SEC61A2: variants seen among roughly 807,000 people sequenced by gnomAD.
SEC61A2 encodes SEC61 translocon subunit alpha 2.
A neutral mutation model predicts 59.9 loss-of-function variants in SEC61A2; 28 were observed. That is an observed-to-expected ratio of 0.47 (90% CI 0.35 to 0.64). The LOEUF (loss-of-function observed/expected upper bound fraction) is 0.64. SEC61A2 is among the 30% of genes least tolerant of loss of function. The probability of loss-of-function intolerance (pLI) is 0.01; values close to 1 mark genes in which losing one functional copy is unlikely to be tolerated. For missense variants in SEC61A2, 340 were observed against 585.9 expected (o/e 0.58, Z 4.33); for synonymous variants, 202 against 214.4 (o/e 0.94, Z 0.50).
Position 12,143,459 on chromosome 10 carries a change from G to A in SEC61A2, c.220+264G>A, listed in dbSNP as rs79207055. ...ACATTGGAATTGGAGTCCAGGTGGG[G>A]CGCCGTGGCTCACCCCTGTAATCCC... On this transcript the variant is annotated intron_variant, in intron 4 of 11. Coordinates refer to ENST00000298428, the MANE Select transcript of SEC61A2 (RefSeq NM_018144.4). This position sits in a 1 kb window ranked among gnomAD's most constrained non-coding sequence, Gnocchi z 4.8. Among the ~76,000 whole-genome samples the A allele has an allele frequency of 3.4e-4, 52 of 152,256 alleles. No homozygotes were observed. In the East Asian group the frequency reaches 6.2e-3, roughly 18 times the overall value.
chr10:12,138,644 G>A (rs79871509), intron 3 of SEC61A2, among the ~76,000 whole-genome samples: 3 of 152,116 alleles, frequency 2.0e-5, no homozygotes, highest in African/African-American at 7.2e-5. Flanking sequence ...ATTCTTTAGT[G>A]TCTAACTTCA....
rs370198364 is a variant in SEC61A2 at position 12,129,762 on chromosome 10, C to G, written c.-26C>G. On this transcript the variant is annotated 5_prime_UTR_variant, in exon 1 of 12. Transcript: ENST00000298428. The surrounding 1 kb of genome is among the most constrained non-coding windows in gnomAD (Gnocchi z 5.6). ...GAAGGCAGCGCCGAGGCCGCGGTTT[C>G]CCCCTGGGCCTCCCCAGCAGCAGCC... 1.1e-4 allele frequency: 161 copies of G among 1,486,840 alleles called. No individual in the cohort carries two copies. The African/African-American group carries it at 2.2e-3, about 20-fold the overall frequency. The allele number at this position is 1,486,840 out of a possible 1,614,324, so 92.1% of individuals were successfully genotyped here.
At chr10:12,147,712 G>GTAGC (rs887010934) in intron 4 of SEC61A2, among the ~76,000 whole-genome samples, 5 of 151,378 alleles carry the variant, frequency 3.3e-5, no homozygotes, top group African/African-American at 1.2e-4. Context: ...TTCTATACAT[G>GTAGC]TAGCATTTGT....
chr10:12,137,025 C>G (rs1833905519), intron 3 of SEC61A2, among the ~76,000 whole-genome samples: 1 of 152,156 alleles, frequency 6.6e-6, no homozygotes, highest in South Asian at 2.1e-4. Context: ...CTCAGCCTCC[C>G]AAATTGCTGG....
rs1187952962 is a variant in SEC61A2 at position 12,156,255 on chromosome 10, A to C, written c.616+324A>C. On this transcript the variant is annotated intron_variant, in intron 7 of 11. Transcript: ENST00000298428. This position sits in a 1 kb window ranked among gnomAD's most constrained non-coding sequence, Gnocchi z 5.2. ...TGATTTCAGCATCCGTAGGGGGATAAAAAGGTAGTGGATTTTAGATTTTTC... is the reference window on the plus strand; with the variant it reads ...TGATTTCAGCATCCGTAGGGGGATACAAAGGTAGTGGATTTTAGATTTTTC... Among the ~76,000 whole-genome samples, 1 of 152,216 alleles carries C rather than the reference A, an allele frequency of 6.6e-6. No homozygotes were observed. Among genetic ancestry groups the C allele is most frequent in the Non-Finnish European group, 1.5e-5 (1 of 68,044 alleles).
At chr10:12,168,529 A>T (rs1158934555), downstream of SEC61A2, among the ~76,000 whole-genome samples, 1 of 151,950 alleles carries the variant, frequency 6.6e-6, no homozygotes, top group Non-Finnish European at 1.5e-5. The surrounding 1 kb of genome is among the most constrained non-coding windows in gnomAD (Gnocchi z 4.8). Context: ...AGGACTGGAG[A>T]TCTACTACCA....
At position 12,149,789 on chromosome 10, in the gene SEC61A2, T is replaced by G. The variant is rs1388992634; in HGVS notation, c.352+63T>G. The G allele has an allele frequency of 6.2e-7, 1 of 1,605,848 alleles. No individual in the cohort carries two copies. Among genetic ancestry groups the G allele is most frequent in the Admixed American group, 1.7e-5 (1 of 58,578 alleles). ...TGAGAGTGCTCGTGGTAAAGATGTTTTCTCTAGTCTTTTCTTGTCTTTGGT... is the reference window on the plus strand; with the variant it reads ...TGAGAGTGCTCGTGGTAAAGATGTTGTCTCTAGTCTTTTCTTGTCTTTGGT... On this transcript the variant is annotated intron_variant, in intron 5 of 11. Coordinates refer to ENST00000298428, the MANE Select transcript of SEC61A2 (RefSeq NM_018144.4). The surrounding 1 kb of genome is among the most constrained non-coding windows in gnomAD (Gnocchi z 5.2).
chr10:12,131,604 G>A (rs1833738184), intron 1 of SEC61A2, among the ~76,000 whole-genome samples: 1 of 145,616 alleles, frequency 6.9e-6, no homozygotes, highest in Admixed American at 6.9e-5. Flanking sequence ...TTTTACACAA[G>A]CAAGTACTTT....
intron 3 of SEC61A2, among the ~76,000 whole-genome samples, chr10:12,136,989 C>T (rs185681549): frequency 7.9e-5 from 12 of 152,342 alleles, no homozygotes; most frequent in African/African-American, 2.9e-4. Flanking sequence ...TTATCTCGAA[C>T]TCCTGACCTC....
Position 12,133,156 on chromosome 10 carries a change from G to T in SEC61A2, c.8-85G>T, listed in dbSNP as rs906190826. The T allele has an allele frequency of 1.9e-5, 13 of 686,444 alleles. No individual in the cohort carries two copies. In the African/African-American group the frequency reaches 2.0e-4, roughly 11 times the overall value. 42.5% of individuals were successfully genotyped at this position (686,444 alleles called of 1,614,324 possible). ...GGTGGGGTGAATTGCTGGTGAAAGA[G>T]AATCTTTGTATTTGATTTTCTAGAA... On this transcript the variant is annotated intron_variant, in intron 1 of 11. Coordinates refer to ENST00000298428, the MANE Select transcript of SEC61A2 (RefSeq NM_018144.4).
chr10:12,133,402 T>G (rs12768128), intron 2 of SEC61A2, 94 bp downstream of exon 2: 19,703 of 617,342 alleles, frequency 0.032, 466 homozygotes, highest in Non-Finnish European at 0.046. Context: ...CCTTCTCTGT[T>G]GGTAATTGGA....
intron 2 of SEC61A2, among the ~76,000 whole-genome samples, chr10:12,134,578 T>C (rs1464011553): frequency 6.6e-6 from 1 of 152,130 alleles, no homozygotes; most frequent in African/African-American, 2.4e-5. Flanking sequence ...AAGAAACTTA[T>C]ATTTAGGAAG....
intron 4 of SEC61A2, among the ~76,000 whole-genome samples, chr10:12,144,090 G>A (rs2131660382): frequency 6.6e-6 from 1 of 152,172 alleles, no homozygotes; most frequent in South Asian, 2.1e-4. Flanking sequence ...AAAGTGCTGG[G>A]ATTACAGGTG....
At chr10:12,140,506 C>G (rs1833993756) in intron 3 of SEC61A2, among the ~76,000 whole-genome samples, 2 of 152,206 alleles carry the variant, frequency 1.3e-5, no homozygotes, top group African/African-American at 2.4e-5. Context: ...GGAGGGTATA[C>G]CATTAATTAT....
chr10:12,148,599 G>A (rs1325502650), intron 4 of SEC61A2, among the ~76,000 whole-genome samples: 1 of 151,004 alleles, frequency 6.6e-6, no homozygotes, highest in Non-Finnish European at 1.5e-5. Flanking sequence ...GAATGCAGTG[G>A]TGCGATCTTG....
At position 12,155,761 on chromosome 10, in the gene SEC61A2, C is replaced by G. The variant is rs748356017; in HGVS notation, c.463-17C>G. The G allele has an allele frequency of 6.2e-7, 1 of 1,613,878 alleles. No individual in the cohort carries two copies. Among genetic ancestry groups the G allele is most frequent in the South Asian group, 1.1e-5 (1 of 91,062 alleles). The stretch of plus-strand genomic sequence containing the variant: ...GTTTGTTCTTGCTTCCGCTTACTTG[C>G]ATTTCTTTCCCCACAGTTGTTTGTT... On this transcript the variant is annotated splice_polypyrimidine_tract_variant and intron_variant, in intron 6 of 11. Coordinates refer to ENST00000298428, the MANE Select transcript of SEC61A2 (RefSeq NM_018144.4). This position sits in a 1 kb window ranked among gnomAD's most constrained non-coding sequence, Gnocchi z 4.3.
At position 12,161,133 on chromosome 10, in the gene SEC61A2, G is replaced by A. The variant is rs763039924; in HGVS notation, c.1167+12G>A. 5 of 1,588,426 alleles carry A rather than the reference G, an allele frequency of 3.1e-6. No homozygotes were observed. In the South Asian group the frequency reaches 3.4e-5, roughly 11 times the overall value. The stretch of plus-strand genomic sequence containing the variant: ...CCTCAGCCAAAGATGTAAGTGTTTG[G>A]TTTATTTTAAAATAAAACTCTTGGC... On this transcript the variant is annotated intron_variant, in intron 10 of 11. Coordinates refer to ENST00000298428, the MANE Select transcript of SEC61A2 (RefSeq NM_018144.4). The surrounding 1 kb of genome is among the most constrained non-coding windows in gnomAD (Gnocchi z 5.4).
chr10:12,165,511 A>C (rs529434541), downstream of SEC61A2: 1 of 263,154 alleles, frequency 3.8e-6, no homozygotes, highest in East Asian at 1.8e-4. Context: ...TTAATCCTAA[A>C]TTATTGACAG....
At chr10:12,166,693 C>T (rs190246502), downstream of SEC61A2, 328 of 503,610 alleles carry the variant, frequency 6.5e-4, no homozygotes, top group Non-Finnish European at 1.2e-3. Flanking sequence ...CTGAGAATTC[C>T]GTGGGGGCCA....
Sources: allele counts gnomAD v4.1 joint callset (sites outside exome capture counted in the v4.1 genomes callset), GRCh38; gene constraint gnomAD v4.1.1; non-coding constraint Gnocchi (gnomAD v3.1); transcripts MANE v1.5; gene names NCBI Gene and HGNC (gene_info 2026-07-23, HGNC 2026-07-21).